Variants in PPP4R4 observed in about 807,000 individuals in gnomAD.
The protein encoded by PPP4R4 is serine/threonine-protein phosphatase 4 regulatory subunit 4.
In PPP4R4, 70 loss-of-function variants were observed where a neutral mutation model predicts 121.8. That is an observed-to-expected ratio of 0.57 (90% confidence interval 0.47 to 0.70). The LOEUF is 0.70. PPP4R4 is among the 30% of genes least tolerant of loss of function. The pLI is 0.00. For synonymous variants in PPP4R4, 348 were observed against 355.7 expected (o/e 0.98, Z 0.24); for missense variants, 875 against 1,033.6 (o/e 0.85, Z 2.10).
intron 3 of PPP4R4, 53 bp from the exon 4 acceptor site, chr14:94,230,534 A>G (rs117449241): frequency 6.0e-5 from 90 of 1,497,150 alleles, no homozygotes; most frequent in Non-Finnish European, 8.0e-5. Flanking sequence ...TTTAAAAATT[A>G]TAATTTGTGA....
At chr14:94,198,900 T>C (rs1002549510) in intron 2 of PPP4R4, among the ~76,000 whole-genome samples, 1 of 152,260 alleles carries the variant, frequency 6.6e-6, no homozygotes, top group African/African-American at 2.4e-5. Flanking sequence ...TTGCACGACA[T>C]TGTCTGTTGT....
At chr14:94,254,508 T>C (rs1300902542) in intron 16 of PPP4R4, among the ~76,000 whole-genome samples, 2 of 152,198 alleles carry the variant, frequency 1.3e-5, no homozygotes, top group South Asian at 2.1e-4. Context: ...TTTACAATGC[T>C]GGAAATTCTA....
intron 15 of PPP4R4, 79 bp from the exon 16 acceptor site, chr14:94,251,670 C>A: frequency 8.7e-7 from 1 of 1,147,446 alleles, no homozygotes; most frequent in Non-Finnish European, 1.2e-6. Flanking sequence ...ACTTCTTATG[C>A]ATTTTGTGTG....
rs117683831 is a variant in PPP4R4 at position 94,183,198 on chromosome 14, C to T, written c.191+7071C>T. Reference sequence around the variant, plus strand: ...AAACAAAGTGGATATTGGAGTCTACCTGCTTATGGGAGTGCTATTCTCAGT... The same window carrying T: ...AAACAAAGTGGATATTGGAGTCTACTTGCTTATGGGAGTGCTATTCTCAGT... On this transcript the variant is annotated intron_variant, in intron 2 of 24. Transcript: ENST00000304338. Among the ~76,000 whole-genome samples, 4 of 152,158 alleles carry T rather than the reference C, an allele frequency of 2.6e-5. No individual in the cohort carries two copies. The East Asian group carries it at 7.7e-4, about 29-fold the overall frequency.
chr14:94,212,052 A>G (rs1394743852), intron 3 of PPP4R4, among the ~76,000 whole-genome samples: 4 of 152,248 alleles, frequency 2.6e-5, no homozygotes, highest in Admixed American at 6.5e-5. Flanking sequence ...ATCAATACCA[A>G]GATTTTTACC....
intron 2 of PPP4R4, among the ~76,000 whole-genome samples, chr14:94,183,403 T>C (rs1399434533): frequency 6.6e-6 from 1 of 152,220 alleles, no homozygotes. Context: ...ATATAATGGA[T>C]TCCAGCTGTA....
At chr14:94,215,823 C>CAT (rs1029521300) in intron 3 of PPP4R4, among the ~76,000 whole-genome samples, 1 of 152,028 alleles carries the variant, frequency 6.6e-6, no homozygotes, top group African/African-American at 2.4e-5. Flanking sequence ...TTTCTTTTTA[C>CAT]ATATATATCT....
At chr14:94,202,321 G>A (rs1393348810) in intron 2 of PPP4R4, among the ~76,000 whole-genome samples, 2 of 151,930 alleles carry the variant, frequency 1.3e-5, no homozygotes, top group Admixed American at 6.6e-5. Context: ...GCTTAGATAC[G>A]AATCTAAGAA....
In PPP4R4 at chr14:94,174,424, C is replaced by T. The variant is rs1460108497; in HGVS notation, c.-42C>T. The T allele has an allele frequency of 4.0e-6, 6 of 1,489,320 alleles. No homozygotes were observed. Among genetic ancestry groups the T allele is most frequent in the African/African-American group, 1.5e-5 (1 of 68,258 alleles). 92.3% of individuals were successfully genotyped at this position (1,489,320 alleles called of 1,614,324 possible). On this transcript the variant is annotated 5_prime_UTR_variant, in exon 1 of 25. Transcript: ENST00000304338. ...GCGGGGCTGAGGGCGTCCGGCATCC[C>T]GGGGCCGCTCCGGCCCGGGCGGCGA...
intron 17 of PPP4R4, among the ~76,000 whole-genome samples, chr14:94,257,091 A>T (rs1178762690): frequency 3.3e-5 from 5 of 152,062 alleles, no homozygotes; most frequent in African/African-American, 1.2e-4. Flanking sequence ...CAGAATCAGG[A>T]GGACTAGAAT....
intron 3 of PPP4R4, among the ~76,000 whole-genome samples, chr14:94,214,613 A>G (rs946077362): frequency 1.3e-5 from 2 of 152,104 alleles, no homozygotes; most frequent in Non-Finnish European, 2.9e-5. Context: ...ATATGGGTAG[A>G]TTTTTTTAAC....
chr14:94,239,420 T>G (rs1892514993), intron 8 of PPP4R4, among the ~76,000 whole-genome samples: 1 of 141,328 alleles, frequency 7.1e-6, no homozygotes, highest in African/African-American at 2.6e-5. Flanking sequence ...CATTGTTCAA[T>G]TCCCACCTAT....
At chr14:94,242,217 G>T (rs1031443300) in intron 10 of PPP4R4, 72 bp from the exon 11 acceptor site, 6 of 1,493,208 alleles carry the variant, frequency 4.0e-6, no homozygotes, top group Middle Eastern at 1.8e-4. Flanking sequence ...TAAGTGAAAC[G>T]ATTATAATAT....
chr14:94,256,428 T>A, intron 16 of PPP4R4, 32 bp from the exon 17 acceptor site: 1 of 1,510,014 alleles, frequency 6.6e-7, no homozygotes, highest in Non-Finnish European at 9.0e-7. Context: ...AGTTATTAAC[T>A]TCACTCAAGA....
Position 94,263,303 on chromosome 14 carries a change from C to T in PPP4R4, c.2128-1575C>T, listed in dbSNP as rs370837954. ...TAGGCCAAGAGGCTTTGTTCTTTCT[C>T]AATTTTTAAAAAAACTCTGTGCTAC... On this transcript the variant is annotated intron_variant, in intron 19 of 24. Coordinates refer to ENST00000304338, the MANE Select transcript of PPP4R4 (RefSeq NM_058237.2). Among the ~76,000 whole-genome samples the T allele has an allele frequency of 5.9e-5, 9 of 152,082 alleles. No individual in the cohort carries two copies. The East Asian group carries it at 1.7e-3, about 29-fold the overall frequency.
chr14:94,256,755 T>G (rs1449716955), intron 17 of PPP4R4, 151 bp downstream of exon 17: 1 of 931,894 alleles, frequency 1.1e-6, no homozygotes, highest in Non-Finnish European at 1.5e-6. Flanking sequence ...TTGGTTGATA[T>G]GTGCTACAAC....
chr14:94,266,919 T>A (rs1448450572), intron 22 of PPP4R4, 40 bp from the exon 23 acceptor site: 1 of 1,283,768 alleles, frequency 7.8e-7, no homozygotes. Flanking sequence ...TTGTAAGAAG[T>A]GTGTTTTTGT....
At chr14:94,199,274 C>A (rs1331901300) in intron 2 of PPP4R4, among the ~76,000 whole-genome samples, 1 of 152,250 alleles carries the variant, frequency 6.6e-6, no homozygotes, top group East Asian at 1.9e-4. Context: ...GTTCCCCAGA[C>A]CGCTCGCAGG....
intron 2 of PPP4R4, among the ~76,000 whole-genome samples, chr14:94,181,818 AAT>A (rs1030080354): frequency 6.6e-6 from 1 of 152,226 alleles, no homozygotes; most frequent in African/African-American, 2.4e-5. Flanking sequence ...GATAGAAACA[AAT>A]ATATGTGTTC....
Sources: gnomAD v4.1 joint callset for allele counts (sites outside exome capture counted in the v4.1 genomes callset) on GRCh38, gnomAD v4.1.1 for gene constraint, MANE v1.5 for transcripts, NCBI Gene and HGNC (gene_info 2026-07-23, HGNC 2026-07-21) for gene names.